The following FREM3 variants were observed in gnomAD, a reference collection of about 807,000 sequenced individuals.
FREM3 encodes FRAS1-related extracellular matrix protein 3.
In FREM3, 105 loss-of-function variants were observed where a neutral mutation model predicts 129.1. The observed-to-expected ratio is 0.81, with a 90% CI of 0.69 to 0.96. FREM3 has a LOEUF of 0.96. FREM3 is among the 40% of genes least tolerant of loss of function. FREM3 has a pLI of 0.00. For synonymous variants in FREM3, 1,014 were observed against 1,044.9 expected, an observed-to-expected ratio of 0.97 and a Z score of 0.57; for missense variants, 2,593 against 2,666.3, an observed-to-expected ratio of 0.97 and a Z score of 0.61.
chr4:143,680,195 G>C lies in FREM3; in HGVS notation c.5275+12918C>G, dbSNP rs184176677. ...TATAAACCTATCTTAACATCTTGCT[G>C]TATACATTTTAGACCTTCCCCTATA... is the stretch of plus-strand genomic sequence containing the variant. On this transcript the variant is annotated intron_variant, in intron 2 of 7. Transcript: ENST00000329798. Among the ~76,000 whole-genome samples, 42 of 151,166 alleles carry C rather than the reference G, an allele frequency of 2.8e-4. 1 individual carries two copies. Among genetic ancestry groups the C allele is most frequent in the Admixed American group, 2.1e-3 (32 of 15,172 alleles).
chr4:143,638,422 C>T (rs1031028392), intron 2 of FREM3, among the ~76,000 whole-genome samples: 2 of 152,084 alleles, frequency 1.3e-5, no homozygotes, highest in African/African-American at 4.8e-5. Context: ...CAGGAGCATA[C>T]AAGATTTAAG....
At chr4:143,600,824 T>C (rs768001674) in intron 6 of FREM3, among the ~76,000 whole-genome samples, 5 of 152,164 alleles carry the variant, frequency 3.3e-5, no homozygotes, top group African/African-American at 9.7e-5. Flanking sequence ...TAAGATATCA[T>C]GGAGGCTGAA....
intron 2 of FREM3, among the ~76,000 whole-genome samples, chr4:143,655,288 C>T (rs1317701542): frequency 1.3e-5 from 2 of 152,084 alleles, no homozygotes; most frequent in African/African-American, 4.8e-5. Flanking sequence ...AAATATCACC[C>T]TTTTATGCCT....
chr4:143,626,482 T>G (rs1240360535), intron 3 of FREM3, among the ~76,000 whole-genome samples: 1 of 152,132 alleles, frequency 6.6e-6, no homozygotes, highest in Non-Finnish European at 1.5e-5. Context: ...CAGATGAACT[T>G]TTTTTTCTTG....
At chr4:143,694,853 C>T (rs755201446) in intron 1 of FREM3, among the ~76,000 whole-genome samples, 51 of 152,184 alleles carry the variant, frequency 3.4e-4, no homozygotes, top group Non-Finnish European at 4.4e-4. Flanking sequence ...ATTTCATGCA[C>T]AGAGCTATCT....
At chr4:143,670,635 G>T (rs1199729327) in intron 2 of FREM3, among the ~76,000 whole-genome samples, 2 of 152,098 alleles carry the variant, frequency 1.3e-5, no homozygotes, top group African/African-American at 4.8e-5. Flanking sequence ...ACTGGAAAAT[G>T]AAAGGCAAGA....
intron 2 of FREM3, among the ~76,000 whole-genome samples, chr4:143,689,790 C>A (rs1387316746): frequency 6.6e-6 from 1 of 151,204 alleles, no homozygotes; most frequent in Non-Finnish European, 1.5e-5. Context: ...GAATGGAAAA[C>A]CAAACATCAT....
chr4:143,691,728 A>C (rs1484700650), intron 2 of FREM3, among the ~76,000 whole-genome samples: 2 of 152,236 alleles, frequency 1.3e-5, no homozygotes, highest in Non-Finnish European at 1.5e-5. Flanking sequence ...AAAAAAGTTA[A>C]AACATGGTAG....
chr4:143,595,688 C>T (rs780315867), intron 6 of FREM3, among the ~76,000 whole-genome samples: 11 of 152,082 alleles, frequency 7.2e-5, no homozygotes, highest in Middle Eastern at 3.4e-3. Flanking sequence ...CAGATCAAGA[C>T]CATCCTGGCT....
At chr4:143,636,821 C>T (rs902680459) in intron 2 of FREM3, among the ~76,000 whole-genome samples, 2 of 152,080 alleles carry the variant, frequency 1.3e-5, no homozygotes, top group African/African-American at 4.8e-5. Flanking sequence ...AATGCTGACT[C>T]TCAAATAGGT....
intron 6 of FREM3, among the ~76,000 whole-genome samples, chr4:143,609,312 C>T (rs1001669896): frequency 3.3e-5 from 5 of 152,122 alleles, no homozygotes; most frequent in African/African-American, 7.2e-5. Context: ...ACTGTTCTGA[C>T]GCCAATCTTT....
At chr4:143,684,255 G>T (rs1241970649) in intron 2 of FREM3, among the ~76,000 whole-genome samples, 1 of 152,126 alleles carries the variant, frequency 6.6e-6, no homozygotes, top group African/African-American at 2.4e-5. Flanking sequence ...GGAGTCCATT[G>T]CACCCCCCAC....
At chr4:143,617,078 A>G (rs1335029857) in intron 5 of FREM3, among the ~76,000 whole-genome samples, 3 of 152,210 alleles carry the variant, frequency 2.0e-5, no homozygotes, top group African/African-American at 7.2e-5. Flanking sequence ...CAGTTTTTTA[A>G]CAAGAGAGTG....
chr4:143,597,717 G>C (rs1738507823), intron 6 of FREM3, among the ~76,000 whole-genome samples: 1 of 152,128 alleles, frequency 6.6e-6, no homozygotes, highest in Non-Finnish European at 1.5e-5. Context: ...AACTAAGGCA[G>C]GGAAAGACTT....
At chr4:143,591,938 T>C (rs958580043) in intron 6 of FREM3, among the ~76,000 whole-genome samples, 8 of 152,246 alleles carry the variant, frequency 5.3e-5, no homozygotes, top group Non-Finnish European at 1.5e-5. Flanking sequence ...ACTGGGTACA[T>C]ATATATTTAG....
chr4:143,644,365 A>T (rs1186183268), intron 2 of FREM3, among the ~76,000 whole-genome samples: 1 of 152,174 alleles, frequency 6.6e-6, no homozygotes, highest in Non-Finnish European at 1.5e-5. Context: ...TTTTGTATAC[A>T]CTATCCTTAA....
At chr4:143,645,980 G>T (rs1157201673) in intron 2 of FREM3, among the ~76,000 whole-genome samples, 1 of 152,142 alleles carries the variant, frequency 6.6e-6, no homozygotes, top group Non-Finnish European at 1.5e-5. Flanking sequence ...GGAGCATTTT[G>T]TATATGTATT....
chr4:143,693,257 A>G (rs1465770665), intron 1 of FREM3, 55 bp from the exon 2 acceptor site: 8 of 864,354 alleles, frequency 9.3e-6, no homozygotes, highest in Non-Finnish European at 1.4e-5. Context: ...GAAAATGAGT[A>G]TGTTAACAAC....
At chr4:143,650,224 A>C (rs530469401) in intron 2 of FREM3, among the ~76,000 whole-genome samples, 15 of 152,348 alleles carry the variant, frequency 9.8e-5, no homozygotes, top group African/African-American at 3.6e-4. Context: ...TAATTTGCCT[A>C]TCTTATTGTA....
Sources: gnomAD v4.1 joint callset for allele counts (sites outside exome capture counted in the v4.1 genomes callset) on GRCh38, gnomAD v4.1.1 for gene constraint, MANE v1.5 for transcripts, NCBI Gene and HGNC (gene_info 2026-07-23, HGNC 2026-07-21) for gene names.